NREP: variants seen among roughly 807,000 people sequenced by gnomAD.
NREP encodes neuronal regeneration-related protein.
NREP carries 5 observed loss-of-function variants against 8.6 expected under a neutral mutation model. The observed-to-expected ratio is 0.58, with a 90% CI of 0.30 to 1.22. NREP has a LOEUF of 1.22. Among genes scored for constraint, NREP ranks in the 50% most tolerant of loss-of-function variants. The probability of loss-of-function intolerance (pLI) is 0.07; values close to 1 mark genes in which losing one functional copy is unlikely to be tolerated. For missense variants in NREP, 86 were observed against 82.5 expected (o/e 1.04, Z -0.17); for synonymous variants, 27 against 28.0 (o/e 0.96, Z 0.11).
intron 2 of NREP, among the ~76,000 whole-genome samples, chr5:111,866,926 A>G (rs1753679687): frequency 1.3e-5 from 2 of 151,618 alleles, no homozygotes; most frequent in African/African-American, 4.8e-5. Context: ...GTTCTCACTC[A>G]TAGGTGGGAA....
In NREP at chr5:111,730,173, C is replaced by G. The variant is rs1212509655; in HGVS notation, c.*748G>C. On this transcript the variant is annotated 3_prime_UTR_variant, in exon 4 of 4. Coordinates refer to ENST00000257435, the MANE Select transcript of NREP (RefSeq NM_004772.4). ...CAACGAGACAATGGTCTCTCACACT[C>G]TGGTAGCATTCGCTCAACCTACAAC... 2 of 152,572 alleles carry G rather than the reference C, an allele frequency of 1.3e-5. No individual in the cohort carries two copies. Among genetic ancestry groups the G allele is most frequent in the African/African-American group, 4.8e-5 (2 of 41,418 alleles). 9.5% of individuals were successfully genotyped at this position (152,572 alleles called of 1,614,324 possible).
chr5:111,923,377 C>T (rs2112584376), intron 2 of NREP, among the ~76,000 whole-genome samples: 1 of 152,290 alleles, frequency 6.6e-6, no homozygotes, highest in South Asian at 2.1e-4. Flanking sequence ...TCCTCCATGG[C>T]TGCATAGGTT....
Position 111,899,959 on chromosome 5 carries a change from T to C in NREP, c.135+75315A>G, listed in dbSNP as rs541266671. Among the ~76,000 whole-genome samples the C allele has an allele frequency of 3.3e-5, 5 of 152,224 alleles. No individual in the cohort carries two copies. In the East Asian group the frequency reaches 9.6e-4, roughly 29 times the overall value. The stretch of plus-strand genomic sequence containing the variant: ...CAGACTTAATCTGCCAAGAGACATT[T>C]ACAAAATATTTTATCTAACAGCTGC... On this transcript the variant is annotated intron_variant, in intron 2 of 3. Coordinates refer to the NREP transcript ENST00000395634.
At chr5:111,976,802 GGGAGTTGGCCA>G (rs1756979616) in exon 1 of NREP, 1 of 1,443,238 alleles carries the variant, frequency 6.9e-7, no homozygotes, top group African/African-American at 1.4e-5. Flanking sequence ...GCTTCTTGCC[GGGAGTTGGCCA>G]GACAGCTCAG....
chr5:111,830,155 T>TC (rs1200936582), intron 2 of NREP, among the ~76,000 whole-genome samples: 1 of 151,058 alleles, frequency 6.6e-6, no homozygotes, highest in African/African-American at 2.5e-5. Context: ...TTTCAGCTGT[T>TC]TTTTTTGTTG....
At chr5:111,759,161 A>G (rs866483925), upstream of NREP, among the ~76,000 whole-genome samples, 6 of 152,164 alleles carry the variant, frequency 3.9e-5, no homozygotes, top group Middle Eastern at 6.8e-3. Flanking sequence ...CAAGTCTGGA[A>G]CCCCAACACG....
chr5:111,891,199 C>A (rs888127557), intron 2 of NREP, among the ~76,000 whole-genome samples: 1 of 152,216 alleles, frequency 6.6e-6, no homozygotes, highest in Non-Finnish European at 1.5e-5. Context: ...CTATCACTCT[C>A]AAGTTCAAAT....
chr5:111,909,684 T>C (rs1411921267), intron 2 of NREP, among the ~76,000 whole-genome samples: 1 of 152,076 alleles, frequency 6.6e-6, no homozygotes, highest in Non-Finnish European at 1.5e-5. Context: ...TTTCCATTTA[T>C]CCTTTCATAA....
At chr5:111,745,535 G>T (rs1480297450) in intron 2 of NREP, among the ~76,000 whole-genome samples, 4 of 152,124 alleles carry the variant, frequency 2.6e-5, no homozygotes, top group African/African-American at 9.7e-5. Flanking sequence ...ACCCCCAAAT[G>T]AACTCTCAAA....
chr5:111,847,246 T>C (rs1450998725), intron 2 of NREP, among the ~76,000 whole-genome samples: 1 of 152,042 alleles, frequency 6.6e-6, no homozygotes, highest in East Asian at 1.9e-4. Context: ...TGCCGAACGG[T>C]TGGGTTCTAT....
intron 2 of NREP, among the ~76,000 whole-genome samples, chr5:111,896,604 T>G (rs2112541451): frequency 6.6e-6 from 1 of 152,316 alleles, no homozygotes. Context: ...AACCGGAGTA[T>G]CTGTGCATTT....
intron 2 of NREP, among the ~76,000 whole-genome samples, chr5:111,780,895 T>A (rs35332949): frequency 7.0e-6 from 1 of 142,440 alleles, no homozygotes; most frequent in Non-Finnish European, 1.6e-5. Context: ...TTCCCACATT[T>A]TTTTTAACGT....
chr5:111,770,744 A>G (rs774521616), intron 2 of NREP, among the ~76,000 whole-genome samples: 3 of 151,234 alleles, frequency 2.0e-5, no homozygotes, highest in Non-Finnish European at 2.9e-5. Context: ...TAATTTTTGT[A>G]TTTTTTGTAG....
intron 2 of NREP, among the ~76,000 whole-genome samples, chr5:111,745,890 C>T (rs915731487): frequency 6.6e-6 from 1 of 152,088 alleles, no homozygotes; most frequent in Non-Finnish European, 1.5e-5. Flanking sequence ...ATTAGAAATC[C>T]AGCCAGTTCT....
intron 2 of NREP, among the ~76,000 whole-genome samples, chr5:111,926,128 T>G (rs1755377370): frequency 2.0e-5 from 3 of 152,100 alleles, no homozygotes; most frequent in Admixed American, 2.0e-4. Context: ...TTTATTTGTC[T>G]AAGGTCTTTC....
rs183363848 is a variant in NREP, at chr5:111,900,056, G to A, written c.135+75218C>T. 7.2e-5 allele frequency among the ~76,000 whole-genome samples: 11 copies of A among 152,164 alleles called. No homozygotes were observed. In the South Asian group the frequency reaches 1.5e-3, roughly 20 times the overall value. On this transcript the variant is annotated intron_variant, in intron 2 of 3. Transcript: ENST00000395634. ...GACCATATATTAGGACACAAAACAG[G>A]TCTCAATAGATTTTAAAATTTAAAA... is the stretch of plus-strand genomic sequence containing the variant.
At chr5:111,829,725 A>C (rs1268122588) in intron 2 of NREP, among the ~76,000 whole-genome samples, 3 of 152,188 alleles carry the variant, frequency 2.0e-5, no homozygotes, top group Non-Finnish European at 2.9e-5. Context: ...GAGCTGAGGG[A>C]TAATAGCCCA....
chr5:111,759,938 T>C (rs1448339245), upstream of NREP, among the ~76,000 whole-genome samples: 1 of 152,236 alleles, frequency 6.6e-6, no homozygotes, highest in African/African-American at 2.4e-5. Context: ...GACTATAGTC[T>C]GACTTTCTAA....
intron 2 of NREP, among the ~76,000 whole-genome samples, chr5:111,872,971 G>C (rs1413906592): frequency 6.6e-6 from 1 of 152,094 alleles, no homozygotes; most frequent in Non-Finnish European, 1.5e-5. Flanking sequence ...TTTTAACTTG[G>C]GTCTCAGGGA....
Sources: gnomAD v4.1 joint callset for allele counts (sites outside exome capture counted in the v4.1 genomes callset) on GRCh38, gnomAD v4.1.1 for gene constraint, MANE v1.5 for transcripts, NCBI Gene and HGNC (gene_info 2026-07-23, HGNC 2026-07-21) for gene names.